NADSYN1: variants seen among roughly 807,000 people sequenced by gnomAD.
The protein encoded by NADSYN1 is glutamine-dependent NAD(+) synthetase.
Under a neutral mutation model 99.3 loss-of-function variants are expected in NADSYN1, and 80 were observed. The observed-to-expected ratio is 0.81, with a 90% CI of 0.67 to 0.97. The LOEUF (loss-of-function observed/expected upper bound fraction) is 0.97, where lower values mean the gene tolerates loss of function less well. NADSYN1 is among the 50% of genes least tolerant of loss of function. The probability of loss-of-function intolerance (pLI) is 0.00; values close to 1 mark genes in which losing one functional copy is unlikely to be tolerated. For synonymous variants in NADSYN1, 385 were observed against 372.1 expected (o/e 1.03, Z -0.40); for missense variants, 859 against 948.5 (o/e 0.91, Z 1.24).
Position 71,469,332 on chromosome 11 carries a change from C to T in NADSYN1, c.408-3117C>T, listed in dbSNP as rs555649811. Among the ~76,000 whole-genome samples, 12 of 152,166 alleles carry T rather than the reference C, an allele frequency of 7.9e-5. No homozygotes were observed. The South Asian group carries it at 2.1e-3, about 26-fold the overall frequency. ...AAAGAAAATACAAAAATCAGCTGGG[C>T]GTTGTGGTGTGCACCTGTGGTCCTA... On this transcript the variant is annotated intron_variant, in intron 5 of 20. Coordinates refer to ENST00000319023, the MANE Select transcript of NADSYN1 (RefSeq NM_018161.5).
Position 71,485,723 on chromosome 11 carries a change from T to G in NADSYN1, c.1562+75T>G, listed in dbSNP as rs547832746. 8 of 1,118,192 alleles carry G rather than the reference T, an allele frequency of 7.2e-6. No homozygotes were observed. In the African/African-American group the frequency reaches 1.1e-4, roughly 16 times the overall value. The allele number at this position is 1,118,192 out of a possible 1,614,324, so 69.3% of individuals were successfully genotyped here. ...TCTCTGAAGGTGATACGCTGTGAGA[T>G]TCTATCATCCTGTGCCTTTCATGGC... On this transcript the variant is annotated intron_variant, in intron 16 of 20. Coordinates refer to ENST00000319023, the MANE Select transcript of NADSYN1 (RefSeq NM_018161.5).
chr11:71,501,353 G>A lies in NADSYN1; in HGVS notation c.*1G>A. The A allele has an allele frequency of 1.9e-6, 3 of 1,604,598 alleles. No individual in the cohort carries two copies. Among genetic ancestry groups the A allele is most frequent in the Non-Finnish European group, 2.6e-6 (3 of 1,175,966 alleles). On this transcript the variant is annotated 3_prime_UTR_variant, in exon 21 of 21. Coordinates refer to ENST00000319023, the MANE Select transcript of NADSYN1 (RefSeq NM_018161.5). ...ACAGTCCCTGGACGGCGTGGACTGA[G>A]GCCGGTTCCTTCCTGGAGGCCTCCT...
rs199939008 is a variant in NADSYN1 at position 71,472,541 on chromosome 11, C to T, written c.459+41C>T. The stretch of plus-strand genomic sequence containing the variant: ...TGGAGCCCGTTTTTCAGTCGGTTGT[C>T]GCTGTTCTCGGCCAACAGTGGACCA... On this transcript the variant is annotated intron_variant, in intron 6 of 20. Transcript: ENST00000319023. The T allele has an allele frequency of 1.4e-4, 213 of 1,573,890 alleles. 1 individual carries two copies. The African/African-American group carries it at 2.2e-3, about 17-fold the overall frequency.
intron 2 of NADSYN1, among the ~76,000 whole-genome samples, chr11:71,456,624 T>G (rs1397428761): frequency 1.3e-5 from 2 of 152,172 alleles, no homozygotes; most frequent in Non-Finnish European, 2.9e-5. Flanking sequence ...CGTCCTAGTC[T>G]CTCTCTCCTA....
In NADSYN1 at chr11:71,463,307, G is replaced by A. The variant is rs1210624135; in HGVS notation, c.264-125G>A. On this transcript the variant is annotated intron_variant, in intron 3 of 20. Transcript: ENST00000319023. ...CCACAGAAGAGCCTTGCAGTTCTCC[G>A]AAGGGATCGGAGGAAGCTTCGTAGT... is the stretch of plus-strand genomic sequence containing the variant. 3.1e-5 allele frequency: 26 copies of A among 848,404 alleles called. No homozygotes were observed. The East Asian group carries it at 3.5e-4, about 11-fold the overall frequency. The allele number at this position is 848,404 out of a possible 1,614,324, so 52.6% of individuals were successfully genotyped here. A position where few individuals can be genotyped will look rare whatever the true frequency, so the allele number is the denominator to read the frequency against.
chr11:71,487,949 G>T (rs1325646418), intron 16 of NADSYN1, among the ~76,000 whole-genome samples: 1 of 151,962 alleles, frequency 6.6e-6, no homozygotes, highest in Non-Finnish European at 1.5e-5. Flanking sequence ...CTCCCCTCAT[G>T]ATGTAGTACT....
chr11:71,460,929 G>A (rs368127095), intron 3 of NADSYN1: 8 of 152,324 alleles, frequency 5.3e-5, no homozygotes, highest in African/African-American at 1.9e-4. Context: ...AAACAGAGTG[G>A]TGAATAGTTT....
At chr11:71,456,379 G>A (rs1949514779) in intron 2 of NADSYN1, among the ~76,000 whole-genome samples, 1 of 152,154 alleles carries the variant, frequency 6.6e-6, no homozygotes, top group Admixed American at 6.5e-5. Flanking sequence ...TAGGGTTCTG[G>A]GCTGTCTGAT....
Position 71,465,437 on chromosome 11 carries a change from C to T in NADSYN1, c.407+1295C>T, listed in dbSNP as rs377337295. Among the ~76,000 whole-genome samples the T allele has an allele frequency of 2.4e-4, 37 of 152,350 alleles. No homozygotes were observed. The South Asian group carries it at 7.5e-3, about 31-fold the overall frequency. ...TTGTAGCCATGTTCAGCGCAGATCACATGGAACTCTCAGTCATCAATCAGG... is the reference window on the plus strand; with the variant it reads ...TTGTAGCCATGTTCAGCGCAGATCATATGGAACTCTCAGTCATCAATCAGG... On this transcript the variant is annotated intron_variant, in intron 5 of 20. Coordinates refer to ENST00000319023, the MANE Select transcript of NADSYN1 (RefSeq NM_018161.5).
At chr11:71,467,364 G>A (rs772906479) in intron 5 of NADSYN1, among the ~76,000 whole-genome samples, 16 of 152,126 alleles carry the variant, frequency 1.1e-4, no homozygotes, top group Non-Finnish European at 2.1e-4. Context: ...ATTTCTAGAC[G>A]TGACATTTAA....
At chr11:71,466,267 C>T (rs1451510243) in intron 5 of NADSYN1, among the ~76,000 whole-genome samples, 1 of 152,178 alleles carries the variant, frequency 6.6e-6, no homozygotes, top group Non-Finnish European at 1.5e-5. Flanking sequence ...ATCTCCTAGG[C>T]TGAGCACCTA....
In NADSYN1 at chr11:71,473,270, G is replaced by T. The variant is rs202237374; in HGVS notation, c.460-8G>T. 1 of 1,613,882 alleles carries T rather than the reference G, an allele frequency of 6.2e-7. No homozygotes were observed. The highest frequency in any genetic ancestry group is 8.5e-7 in the Non-Finnish European group (1 of 1,179,894). ...TGAATCTCATGCACTCTTCTCTTCC[G>T]ACTGCAGGAAACCGTACCCTTCGGA... On this transcript the variant is annotated splice_polypyrimidine_tract_variant and splice_region_variant and intron_variant, in intron 6 of 20. Coordinates refer to ENST00000319023, the MANE Select transcript of NADSYN1 (RefSeq NM_018161.5).
chr11:71,487,475 G>A (rs1949749901), intron 16 of NADSYN1, among the ~76,000 whole-genome samples: 1 of 152,180 alleles, frequency 6.6e-6, no homozygotes, highest in Non-Finnish European at 1.5e-5. Flanking sequence ...AAAGAAACAA[G>A]TATTTTTTTC....
intron 9 of NADSYN1, chr11:71,476,309 T>A: frequency 5.6e-6 from 2 of 356,724 alleles, no homozygotes; most frequent in South Asian, 4.2e-5. Flanking sequence ...GGAGGCGAGT[T>A]CTGCAGCTGG....
At position 71,485,663 on chromosome 11, in the gene NADSYN1, G is replaced by A. The variant is rs1167638859; in HGVS notation, c.1562+15G>A. On this transcript the variant is annotated intron_variant, in intron 16 of 20. Transcript: ENST00000319023. ...GTGGATGAGAGGTGAGTGTGGCCCA[G>A]TGGCACGTGGTGGTGGGCCCCTGAA... 1 of 1,538,800 alleles carries A rather than the reference G, an allele frequency of 6.5e-7. No homozygotes were observed. Among genetic ancestry groups the A allele is most frequent in the Non-Finnish European group, 8.8e-7 (1 of 1,137,668 alleles).
intron 6 of NADSYN1, 140 bp downstream of exon 6, chr11:71,472,640 G>A: frequency 2.5e-6 from 2 of 803,182 alleles, no homozygotes; most frequent in South Asian, 3.0e-5. Flanking sequence ...ACAGACAAAG[G>A]AGGCAGGTTC....
intron 5 of NADSYN1, among the ~76,000 whole-genome samples, chr11:71,464,694 C>T (rs976999603): frequency 6.6e-6 from 1 of 151,840 alleles, no homozygotes; most frequent in Non-Finnish European, 1.5e-5. Context: ...GGTGAAACCC[C>T]ATCTCTACTA....
intron 3 of NADSYN1, among the ~76,000 whole-genome samples, chr11:71,462,687 A>T (rs1355920904): frequency 6.6e-6 from 1 of 152,224 alleles, no homozygotes; most frequent in Non-Finnish European, 1.5e-5. Context: ...CAAGGCTGGA[A>T]TTGGAACTCC....
intron 3 of NADSYN1, chr11:71,459,040 C>G (rs571489114): frequency 5.8e-6 from 1 of 172,130 alleles, no homozygotes. Flanking sequence ...CTGTGCTGTA[C>G]CCTGCATAGC....
Sources: gnomAD v4.1 joint callset for allele counts (sites outside exome capture counted in the v4.1 genomes callset) on GRCh38, gnomAD v4.1.1 for gene constraint, MANE v1.5 for transcripts, NCBI Gene and HGNC (gene_info 2026-07-23, HGNC 2026-07-21) for gene names.